Variants in FGD3 observed in about 807,000 individuals in gnomAD.
The protein encoded by FGD3 is FYVE, RhoGEF and PH domain containing 3.
In FGD3, 45 loss-of-function variants were observed where a neutral mutation model predicts 71.8. The ratio of observed to expected loss-of-function variants is 0.63; its 90% CI spans 0.49 to 0.80. The LOEUF (loss-of-function observed/expected upper bound fraction) is 0.80, where lower values mean the gene tolerates loss of function less well. Ranked by LOEUF, FGD3 falls within the 30% of genes least tolerant of loss-of-function variation. FGD3 has a pLI of 0.00. For missense variants in FGD3, 844 were observed against 951.5 expected (o/e 0.89, Z 1.49); for synonymous variants, 378 against 392.8 (o/e 0.96, Z 0.44).
intron 1 of FGD3, among the ~76,000 whole-genome samples, chr9:92,950,089 A>G (rs1858927089): frequency 6.7e-6 from 1 of 149,234 alleles, no homozygotes; most frequent in Admixed American, 6.7e-5. Context: ...TATTCCAGGA[A>G]GGATCTGGTT....
At chr9:92,950,014 C>T (rs1190229955) in intron 1 of FGD3, among the ~76,000 whole-genome samples, 3 of 148,992 alleles carry the variant, frequency 2.0e-5, no homozygotes, top group Non-Finnish European at 4.4e-5. Context: ...CCCTTCCTTC[C>T]CCCCTCCCTT....
chr9:93,020,322 C>G lies in FGD3; in HGVS notation c.1392C>G (p.Ile464Met). The change falls in exon 13 of 18, where the codon ATC becomes ATG. Residue 464 changes from isoleucine to methionine, a missense_variant. By Grantham distance (10) the Ile-to-Met change is conservative. Coordinates refer to ENST00000375482, the MANE Select transcript of FGD3 (RefSeq NM_001083536.2). ...EEEKKEWIQI[I>M]QATIEKHKQN... Reference sequence around the variant, plus strand: ...TGTTGTGTTGCTGTGTCCAGATCATCCAGGCCACCATCGAGAAGCACAAAC... The same window carrying G: ...TGTTGTGTTGCTGTGTCCAGATCATGCAGGCCACCATCGAGAAGCACAAAC... 1 of 1,611,302 alleles carries G rather than the reference C, an allele frequency of 6.2e-7. No individual in the cohort carries two copies. Among genetic ancestry groups the G allele is most frequent in the Middle Eastern group, 1.7e-4 (1 of 6,026 alleles).
rs41273410 is a variant in FGD3, at chr9:93,022,338, C to A, written c.1506C>A (p.Thr502=). The part of the protein sequence containing the change: ...SLSPDMPITS[T]SPVEPVVTTE... Reference sequence around the variant, plus strand: ...TGTGTCCCTTCTAGATCACGAGCACCAGCCCTGTGGAGCCTGTGGTGACCA... The same window carrying A: ...TGTGTCCCTTCTAGATCACGAGCACAAGCCCTGTGGAGCCTGTGGTGACCA... The change falls in exon 14 of 18, where the codon ACC becomes ACA. Residue 502 remains threonine (T), a synonymous_variant. Coordinates refer to ENST00000375482, the MANE Select transcript of FGD3 (RefSeq NM_001083536.2). The A allele has an allele frequency of 0.022, 35,207 of 1,611,914 alleles. 461 individuals are homozygous for A. Among genetic ancestry groups the A allele is most frequent in the Non-Finnish European group, 0.026 (30,678 of 1,178,988 alleles).
chr9:93,002,140 C>G (rs1021365117), intron 3 of FGD3, among the ~76,000 whole-genome samples: 2 of 152,238 alleles, frequency 1.3e-5, no homozygotes, highest in Non-Finnish European at 2.9e-5. Flanking sequence ...AGCTCATACT[C>G]TGTGCCCTGT....
intron 3 of FGD3, among the ~76,000 whole-genome samples, chr9:92,985,212 G>A (rs528411106): frequency 6.6e-6 from 1 of 152,242 alleles, no homozygotes; most frequent in Non-Finnish European, 1.5e-5. Flanking sequence ...TTACCTGGAG[G>A]AGTGTCCTTA....
rs138714600 is a variant in FGD3 at position 92,966,609 on chromosome 9, A to G, written c.-217-8629A>G. On this transcript the variant is annotated intron_variant, in intron 1 of 17. Transcript: ENST00000375482. ...GTGGGCCCTGCCCGGGGCCCACCCCACCTGGGAGTCTGTATGAGGCCTCTG... is the reference window on the plus strand; with the variant it reads ...GTGGGCCCTGCCCGGGGCCCACCCCGCCTGGGAGTCTGTATGAGGCCTCTG... Among the ~76,000 whole-genome samples, 678 of 152,212 alleles carry G rather than the reference A, an allele frequency of 4.5e-3. 4 individuals are homozygous for G. The highest frequency in any genetic ancestry group is 0.015 in the African/African-American group (639 of 41,546).
chr9:93,028,216 A>G (rs12350555), intron 14 of FGD3, among the ~76,000 whole-genome samples: 3 of 127,548 alleles, frequency 2.4e-5, no homozygotes, highest in African/African-American at 9.2e-5. Flanking sequence ...ACACACACAC[A>G]CGCACACACA....
rs554210740 is a variant in FGD3 at position 93,034,545 on chromosome 9, C to T, written c.1790C>T (p.Thr597Ile). 55 of 1,610,540 alleles carry T rather than the reference C, an allele frequency of 3.4e-5. No homozygotes were observed. The South Asian group carries it at 6.1e-4, about 18-fold the overall frequency. The change falls in exon 17 of 18, where the codon ACA becomes ATA. Residue 597 changes from threonine (T) to isoleucine (I), a missense_variant. Physicochemically the swap from Thr to Ile is moderately conservative, Grantham distance 89 (BLOSUM62 -1). Transcript: ENST00000375482. ...CCTGTGTCTTTGTGTCCCCAGAAGA[C>T]ACCCACTGCAGACCCCCAGCCCAGC... is the stretch of plus-strand genomic sequence containing the variant. ...QPVAPESTEK[T>I]PTADPQPSLL... is the part of the protein sequence containing the mutation.
intron 1 of FGD3, among the ~76,000 whole-genome samples, chr9:92,973,147 C>A (rs1054316216): frequency 1.9e-5 from 2 of 105,176 alleles, no homozygotes; most frequent in African/African-American, 7.9e-5. Context: ...CAGAGTTTTG[C>A]TCTGTCGCCC....
intron 1 of FGD3, among the ~76,000 whole-genome samples, chr9:92,964,965 CTG>C (rs1859260487): frequency 1.3e-5 from 2 of 152,216 alleles, no homozygotes; most frequent in Non-Finnish European, 2.9e-5. Context: ...AGATGCGGGC[CTG>C]TGTAGCATGG....
chr9:93,009,300 A>G (rs1861202531), intron 6 of FGD3, among the ~76,000 whole-genome samples: 1 of 151,868 alleles, frequency 6.6e-6, no homozygotes, highest in South Asian at 2.1e-4. Flanking sequence ...ATACTTGGAG[A>G]TTATGTGAAT....
chr9:93,020,223 G>C, intron 12 of FGD3, 94 bp from the exon 13 acceptor site: 1 of 1,205,760 alleles, frequency 8.3e-7, no homozygotes, highest in East Asian at 2.4e-5. Context: ...GAACGCCAAG[G>C]CCCGTCCTCG....
intron 8 of FGD3, among the ~76,000 whole-genome samples, chr9:93,012,702 G>T (rs1278798655): frequency 7.1e-6 from 1 of 140,602 alleles, no homozygotes; most frequent in African/African-American, 2.7e-5. Context: ...TGTGGGGGGG[G>T]GAAGAATCAA....
intron 1 of FGD3, among the ~76,000 whole-genome samples, chr9:92,967,926 T>C (rs2118539238): frequency 6.6e-6 from 1 of 152,326 alleles, no homozygotes; most frequent in South Asian, 2.1e-4. Context: ...CCACCTTTTC[T>C]TTATCCAGGT....
intron 1 of FGD3, among the ~76,000 whole-genome samples, chr9:92,966,791 G>T (rs1859345118): frequency 6.6e-6 from 1 of 152,268 alleles, no homozygotes; most frequent in South Asian, 2.1e-4. Flanking sequence ...CAGGGAGGTT[G>T]ACAAGGAGGC....
intron 10 of FGD3, 39 bp from the exon 11 acceptor site, chr9:93,018,097 A>T: frequency 6.3e-7 from 1 of 1,592,606 alleles, no homozygotes; most frequent in Non-Finnish European, 8.6e-7. Flanking sequence ...TAAAATGACC[A>T]GCTTGGGTTT....
Position 93,029,748 on chromosome 9 carries a change from C to T in FGD3, c.1558-126C>T, listed in dbSNP as rs989481735. 7.0e-6 allele frequency: 9 copies of T among 1,290,658 alleles called. No individual in the cohort carries two copies. The African/African-American group carries it at 8.8e-5, about 13-fold the overall frequency. 80.0% of individuals were successfully genotyped at this position (1,290,658 alleles called of 1,614,324 possible). ...TGGCTCTTCACTTCATTCCCTTCTGCATGTTCCACTTTTTGCCTTGAGCCT... is the reference window on the plus strand; with the variant it reads ...TGGCTCTTCACTTCATTCCCTTCTGTATGTTCCACTTTTTGCCTTGAGCCT... On this transcript the variant is annotated intron_variant, in intron 14 of 17. Transcript: ENST00000375482.
chr9:92,998,657 G>A (rs1450277178), intron 3 of FGD3, among the ~76,000 whole-genome samples: 1 of 152,124 alleles, frequency 6.6e-6, no homozygotes, highest in Non-Finnish European at 1.5e-5. Context: ...TGGGATTTTG[G>A]TGTGGATGTC....
chr9:93,026,409 G>T (rs111717741), intron 14 of FGD3, among the ~76,000 whole-genome samples: 1 of 152,132 alleles, frequency 6.6e-6, no homozygotes, highest in African/African-American at 2.4e-5. Flanking sequence ...AGCATCCCTC[G>T]CTACTCAGGT....
Sources: gnomAD v4.1 joint callset for allele counts (sites outside exome capture counted in the v4.1 genomes callset) on GRCh38, gnomAD v4.1.1 for gene constraint, MANE v1.5 for transcripts, NCBI Gene and HGNC (gene_info 2026-07-23, HGNC 2026-07-21) for gene names.